Variants in ATRX observed in about 807,000 individuals in gnomAD.
ATRX encodes the protein ATRX chromatin remodeler.
In ATRX, 12 loss-of-function variants were observed where a neutral mutation model predicts 172.6. The observed-to-expected ratio is 0.07, with a 90% CI of 0.04 to 0.11. ATRX has a LOEUF of 0.11. Ranked by LOEUF, ATRX falls within the 10% of genes least tolerant of loss-of-function variation. The pLI is 1.00. For missense variants in ATRX, 1,368 were observed against 1,767.4 expected, an observed-to-expected ratio of 0.77 and a Z score of 4.05; for synonymous variants, 674 against 594.7, an observed-to-expected ratio of 1.13 and a Z score of -1.94.
At chrX:77,740,900 T>G (rs368985745) in intron 1 of ATRX, among the ~76,000 whole-genome samples, 1 of 110,900 alleles carries the variant, frequency 9.0e-6, no homozygotes, top group East Asian at 2.8e-4. Context: ...TAGGATTGCT[T>G]GAGCTCAGGA....
At chrX:77,534,001 C>T (rs1205013176) in intron 30 of ATRX, among the ~76,000 whole-genome samples, 4 of 111,410 alleles carry the variant, frequency 3.6e-5, no homozygotes, top group South Asian at 3.7e-4. Flanking sequence ...ACCAAATCTG[C>T]GAACAAGGGT....
At chrX:77,774,542 T>C (rs1278767246) in intron 1 of ATRX, among the ~76,000 whole-genome samples, 1 of 110,458 alleles carries the variant, frequency 9.1e-6, no homozygotes, top group Non-Finnish European at 1.9e-5. Flanking sequence ...CTGGGCGTGA[T>C]GGCGGGAACC....
intron 3 of ATRX, among the ~76,000 whole-genome samples, chrX:77,698,129 C>T (rs1557151099): frequency 1.8e-5 from 2 of 111,705 alleles, no homozygotes; most frequent in East Asian, 5.6e-4. Context: ...ATATATTTTA[C>T]TGGATTCAGT....
intron 30 of ATRX, among the ~76,000 whole-genome samples, chrX:77,535,599 A>C: frequency 8.9e-6 from 1 of 112,240 alleles, no homozygotes; most frequent in African/African-American, 3.2e-5. Context: ...TTCATTCTAC[A>C]CAATCTTGAG....
chrX:77,769,978 G>A (rs782099189), intron 1 of ATRX, among the ~76,000 whole-genome samples: 16 of 110,661 alleles, frequency 1.4e-4, no homozygotes, highest in Admixed American at 3.9e-4. Context: ...ACGCTACTGA[G>A]GAGACTGAGG....
At chrX:77,675,301 C>A (rs1557132840) in intron 10 of ATRX, 1 of 111,650 alleles carries the variant, frequency 9.0e-6, no homozygotes, top group Non-Finnish European at 1.9e-5. Context: ...TTTCGCCCAA[C>A]TTTTTCTTCT....
chrX:77,615,621 A>G, intron 22 of ATRX, among the ~76,000 whole-genome samples: 1 of 111,614 alleles, frequency 9.0e-6, no homozygotes, highest in East Asian at 2.8e-4. Context: ...TTTTCTTCCA[A>G]AAGTCAATAC....
At chrX:77,751,231 C>T (rs1013699324) in intron 1 of ATRX, among the ~76,000 whole-genome samples, 4 of 112,338 alleles carry the variant, frequency 3.6e-5, no homozygotes, top group Admixed American at 1.9e-4. Flanking sequence ...TTCTAACTGG[C>T]GTGAGATGGT....
At chrX:77,767,545 G>A (rs188832707) in intron 1 of ATRX, among the ~76,000 whole-genome samples, 1 of 109,799 alleles carries the variant, frequency 9.1e-6, no homozygotes, top group Non-Finnish European at 1.9e-5. Context: ...ATAGGCACCC[G>A]CCATCATGCT....
intron 1 of ATRX, among the ~76,000 whole-genome samples, chrX:77,732,327 G>A (rs2074333690): frequency 1.8e-5 from 2 of 111,589 alleles, no homozygotes; most frequent in Admixed American, 9.5e-5. Context: ...GTAAACATTC[G>A]CCCCTGTCAC....
chrX:77,520,600 C>T (rs1309239556), intron 34 of ATRX, among the ~76,000 whole-genome samples, 188 bp downstream of exon 34: 1 of 111,935 alleles, frequency 8.9e-6, no homozygotes, highest in African/African-American at 3.2e-5. Context: ...GTAGCTGTTG[C>T]ATTTTTGTAA....
intron 28 of ATRX, among the ~76,000 whole-genome samples, chrX:77,560,235 T>C (rs1304936072): frequency 9.0e-6 from 1 of 111,664 alleles, no homozygotes; most frequent in African/African-American, 3.2e-5. Context: ...TTGAAAAAGA[T>C]TGGATAAACA....
chrX:77,635,621 C>A (rs906287568), intron 16 of ATRX, among the ~76,000 whole-genome samples: 8 of 112,827 alleles, frequency 7.1e-5, no homozygotes, highest in Non-Finnish European at 9.4e-5. Context: ...CTCTTCCCAA[C>A]CCCTAGCTGC....
intron 30 of ATRX, among the ~76,000 whole-genome samples, chrX:77,530,944 AG>A (rs1557046164): frequency 8.9e-6 from 1 of 112,419 alleles, no homozygotes; most frequent in African/African-American, 3.2e-5. Flanking sequence ...ATCAGAAATA[AG>A]GGGGACATCC....
intron 22 of ATRX, among the ~76,000 whole-genome samples, chrX:77,614,730 C>T (rs782485592): frequency 9.0e-6 from 1 of 111,281 alleles, no homozygotes; most frequent in Non-Finnish European, 1.9e-5. Context: ...GGAAACATTT[C>T]GAGTCCTCTC....
chrX:77,766,455 A>C (rs185727344), intron 1 of ATRX, among the ~76,000 whole-genome samples: 1 of 97,668 alleles, frequency 1.0e-5, no homozygotes. Flanking sequence ...GGGCTCCTCA[A>C]TTCTCAGACG....
intron 12 of ATRX, among the ~76,000 whole-genome samples, chrX:77,663,070 A>G (rs1193454470): frequency 9.0e-6 from 1 of 111,506 alleles, no homozygotes; most frequent in Admixed American, 9.5e-5. Context: ...TTTTTGAGAC[A>G]GGGTCTCACT....
chrX:77,660,422 G>A (rs888333621), intron 12 of ATRX, among the ~76,000 whole-genome samples: 6 of 109,255 alleles, frequency 5.5e-5, no homozygotes, highest in Admixed American at 9.8e-5. Context: ...AAAATTAGCC[G>A]GGCATGGTGG....
At chrX:77,738,354 AAATAAT>A (rs1204867956) in intron 1 of ATRX, among the ~76,000 whole-genome samples, 4 of 106,429 alleles carry the variant, frequency 3.8e-5, no homozygotes, top group East Asian at 2.9e-4. Flanking sequence ...AAAAAACAAT[AAATAAT>A]AATAATAATA....
Sources: allele counts gnomAD v4.1 joint callset (sites outside exome capture counted in the v4.1 genomes callset), GRCh38; gene constraint gnomAD v4.1.1; transcripts MANE v1.5; gene names NCBI Gene and HGNC (gene_info 2026-07-23, HGNC 2026-07-21).